Variants in MLLT3 observed in about 807,000 individuals in gnomAD.
MLLT3 encodes protein AF-9.
In MLLT3, 4 loss-of-function variants were observed where a neutral mutation model predicts 53.2. That is an observed-to-expected ratio of 0.08 (90% CI 0.04 to 0.17). The LOEUF (loss-of-function observed/expected upper bound fraction) is 0.17, where lower values mean the gene tolerates loss of function less well. Ranked by LOEUF, MLLT3 falls within the 10% of genes least tolerant of loss-of-function variation. The probability of loss-of-function intolerance (pLI) is 1.00; values close to 1 mark genes in which losing one functional copy is unlikely to be tolerated. For synonymous variants in MLLT3, 283 were observed against 230.6 expected (o/e 1.23, Z -2.06); for missense variants, 569 against 684.0 (o/e 0.83, Z 1.87).
At chr9:20,380,448 G>A (rs977583515) in intron 5 of MLLT3, 5 of 151,944 alleles carry the variant, frequency 3.3e-5, no homozygotes, top group African/African-American at 9.7e-5. Flanking sequence ...ATGATTTAAA[G>A]GCCTAACTTG....
intron 2 of MLLT3, chr9:20,532,615 C>A: frequency 3.9e-6 from 1 of 257,568 alleles, no homozygotes; most frequent in South Asian, 1.0e-4. Flanking sequence ...CCTGAAAAAG[C>A]AGGAGGCCAA....
At chr9:20,472,354 C>T (rs916871538) in intron 2 of MLLT3, among the ~76,000 whole-genome samples, 10 of 152,108 alleles carry the variant, frequency 6.6e-5, no homozygotes, top group African/African-American at 1.7e-4. Context: ...TATGTGTTGC[C>T]GGCCATTCAC....
At chr9:20,379,981 T>G (rs1018368793) in intron 5 of MLLT3, among the ~76,000 whole-genome samples, 1 of 152,070 alleles carries the variant, frequency 6.6e-6, no homozygotes, top group African/African-American at 2.4e-5. Context: ...GAAAACTAAA[T>G]TACATCTCCT....
chr9:20,405,045 T>A (rs1414532429), intron 5 of MLLT3, among the ~76,000 whole-genome samples: 1 of 152,138 alleles, frequency 6.6e-6, no homozygotes, highest in African/African-American at 2.4e-5. Flanking sequence ...TACAATATAA[T>A]ATCAATACAA....
intron 2 of MLLT3, among the ~76,000 whole-genome samples, chr9:20,554,440 T>C (rs1819003909): frequency 1.3e-5 from 2 of 152,198 alleles, no homozygotes; most frequent in African/African-American, 4.8e-5. Flanking sequence ...TACTTAAAAT[T>C]CATTTTTAAA....
At chr9:20,471,632 AT>A (rs1218960223) in intron 2 of MLLT3, among the ~76,000 whole-genome samples, 1 of 152,080 alleles carries the variant, frequency 6.6e-6, no homozygotes, top group Non-Finnish European at 1.5e-5. Flanking sequence ...AATGTAACAC[AT>A]TATTTTATGA....
chr9:20,513,589 A>G (rs572948567), intron 2 of MLLT3, among the ~76,000 whole-genome samples: 2 of 152,212 alleles, frequency 1.3e-5, no homozygotes, highest in African/African-American at 2.4e-5. Context: ...AGCAGGCAAA[A>G]GTTCTGTGGA....
At chr9:20,478,842 G>A (rs1824590930) in intron 2 of MLLT3, among the ~76,000 whole-genome samples, 1 of 152,154 alleles carries the variant, frequency 6.6e-6, no homozygotes, top group Non-Finnish European at 1.5e-5. Context: ...GAGAGAAGGA[G>A]AGGAAGGGGA....
chr9:20,510,378 C>CA (rs1446124502), intron 2 of MLLT3, among the ~76,000 whole-genome samples: 1 of 152,042 alleles, frequency 6.6e-6, no homozygotes, highest in African/African-American at 2.4e-5. Context: ...TTTGGGAGGC[C>CA]AAGGTGGGCA....
At chr9:20,577,784 C>T (rs930083597) in intron 2 of MLLT3, among the ~76,000 whole-genome samples, 1 of 152,200 alleles carries the variant, frequency 6.6e-6, no homozygotes, top group South Asian at 2.1e-4. Flanking sequence ...ACACACACAC[C>T]ATTTTGCCAG....
chr9:20,452,856 T>G (rs2118854366), intron 3 of MLLT3, among the ~76,000 whole-genome samples: 1 of 152,268 alleles, frequency 6.6e-6, no homozygotes, highest in South Asian at 2.1e-4. Flanking sequence ...TACCATGGGC[T>G]GGGGAGAGAG....
At chr9:20,361,386 A>C (rs1422565444) in intron 7 of MLLT3, among the ~76,000 whole-genome samples, 2 of 152,202 alleles carry the variant, frequency 1.3e-5, no homozygotes, top group East Asian at 3.8e-4. Context: ...CAACCACATA[A>C]ATGAAACTTC....
intron 2 of MLLT3, among the ~76,000 whole-genome samples, chr9:20,568,272 T>C (rs145131393): frequency 3.3e-5 from 5 of 152,250 alleles, no homozygotes; most frequent in African/African-American, 1.2e-4. Context: ...TTAATAATTA[T>C]TGAGGCTGAG....
chr9:20,460,290 CTA>C (rs1161164722), intron 2 of MLLT3, among the ~76,000 whole-genome samples: 3 of 152,114 alleles, frequency 2.0e-5, no homozygotes, highest in African/African-American at 7.2e-5. Flanking sequence ...TCCTTAAGCT[CTA>C]TGTCATAAAA....
intron 2 of MLLT3, among the ~76,000 whole-genome samples, chr9:20,556,547 G>T (rs1819062373): frequency 6.6e-6 from 1 of 152,100 alleles, no homozygotes. Context: ...GCCAGCCGTG[G>T]TGGCGGGCAC....
intron 8 of MLLT3, among the ~76,000 whole-genome samples, chr9:20,358,348 C>T (rs1431594646): frequency 1.3e-5 from 2 of 152,134 alleles, no homozygotes; most frequent in Admixed American, 1.3e-4. Flanking sequence ...GACTTTCTTA[C>T]CATGCTTACA....
intron 2 of MLLT3, among the ~76,000 whole-genome samples, chr9:20,598,871 T>C (rs1052690585): frequency 6.6e-6 from 1 of 152,222 alleles, no homozygotes; most frequent in Non-Finnish European, 1.5e-5. Flanking sequence ...TAGAGTTACT[T>C]TCCTCAAACC....
intron 4 of MLLT3, among the ~76,000 whole-genome samples, chr9:20,428,418 A>T (rs987149558): frequency 1.3e-4 from 19 of 150,084 alleles, no homozygotes; most frequent in African/African-American, 3.8e-4. Flanking sequence ...TAATGTTTTT[A>T]AAAAAACTGT....
chr9:20,444,223 C>T (rs969361953), intron 4 of MLLT3, among the ~76,000 whole-genome samples: 1 of 152,100 alleles, frequency 6.6e-6, no homozygotes, highest in African/African-American at 2.4e-5. Context: ...TCTTAACATC[C>T]TAATGAGCAC....
Sources: allele counts gnomAD v4.1 joint callset (sites outside exome capture counted in the v4.1 genomes callset), GRCh38; gene constraint gnomAD v4.1.1; transcripts MANE v1.5; gene names NCBI Gene and HGNC (gene_info 2026-07-23, HGNC 2026-07-21).